PDE1A: variants seen among roughly 807,000 people sequenced by gnomAD.
PDE1A encodes dual specificity calcium/calmodulin-dependent 3',5'-cyclic nucleotide phosphodiesterase 1A.
PDE1A carries 35 observed loss-of-function variants against 61.7 expected under a neutral mutation model. The ratio of observed to expected loss-of-function variants is 0.57; its 90% CI spans 0.43 to 0.75. The LOEUF is 0.75. Ranked by LOEUF, PDE1A falls within the 30% of genes least tolerant of loss-of-function variation. The pLI, the probability that PDE1A is intolerant of heterozygous loss-of-function variation, is 0.00. For synonymous variants in PDE1A, 232 were observed against 213.2 expected, an observed-to-expected ratio of 1.09 and a Z score of -0.77; for missense variants, 597 against 630.6, an observed-to-expected ratio of 0.95 and a Z score of 0.57.
chr2:182,213,805 A>C (rs1243823721), intron 7 of PDE1A, among the ~76,000 whole-genome samples: 1 of 70,732 alleles, frequency 1.4e-5, no homozygotes. Context: ...GTGTACCTGA[A>C]AGTGACGGGG....
chr2:182,297,924 T>A (rs1694992040), intron 1 of PDE1A, among the ~76,000 whole-genome samples: 1 of 152,194 alleles, frequency 6.6e-6, no homozygotes, highest in Non-Finnish European at 1.5e-5. Flanking sequence ...ATTTCCTCTA[T>A]TACTTCCCCC....
intron 10 of PDE1A, 46 bp downstream of exon 10, chr2:182,201,393 C>T (rs1559175108): frequency 6.2e-7 from 1 of 1,606,826 alleles, no homozygotes; most frequent in Admixed American, 1.7e-5. Flanking sequence ...CTAATATGCA[C>T]AGTCACTATT....
At chr2:182,624,550 C>T in the PDE1A span, among the ~76,000 whole-genome samples, 1 of 152,298 alleles carries the variant, frequency 6.6e-6, no homozygotes, top group African/African-American at 2.4e-5. Flanking sequence ...ATGGCCAGCC[C>T]TTATACCAAC....
In PDE1A at chr2:182,189,025, G is replaced by A. The variant is rs550619871; in HGVS notation, c.1161C>T (p.Ser387=). 6.2e-6 allele frequency: 10 copies of A among 1,612,822 alleles called. No homozygotes were observed. The South Asian group carries it at 9.9e-5, about 16-fold the overall frequency. Reference sequence around the variant, plus strand: ...TGGTTGACTTCCGATCACAAAGTGGGGAAAATGGAAGCCCTAATTCAGCTT... The same window carrying A: ...TGGTTGACTTCCGATCACAAAGTGGAGAAAATGGAAGCCCTAATTCAGCTT... Residue 387 remains serine, a synonymous_variant, in exon 11 of 14, where the codon TCC becomes TCT. Coordinates refer to ENST00000351439, the Ensembl canonical transcript of PDE1A.
intron 1 of PDE1A, among the ~76,000 whole-genome samples, chr2:182,396,484 C>T (rs1333507139): frequency 2.6e-5 from 4 of 152,192 alleles, no homozygotes; most frequent in Non-Finnish European, 4.4e-5. Flanking sequence ...TCATTAATAC[C>T]AGCTACGACT....
intron 1 of PDE1A, among the ~76,000 whole-genome samples, chr2:182,406,155 T>C (rs1702285145): frequency 6.6e-6 from 1 of 152,068 alleles, no homozygotes; most frequent in South Asian, 2.1e-4. Context: ...TGTATATAGC[T>C]CTATTATTAT....
At chr2:182,241,851 AT>A (rs776553281) in intron 2 of PDE1A, 3 of 1,548,426 alleles carry the variant, frequency 1.9e-6, no homozygotes, top group South Asian at 2.4e-5. Context: ...GATGGTTTTG[AT>A]TTACCCCTAA....
chr2:182,699,019 G>A, the PDE1A span, among the ~76,000 whole-genome samples: 1 of 152,152 alleles, frequency 6.6e-6, no homozygotes. Context: ...CAGTAACACT[G>A]TTATTCTTAA....
chr2:182,500,229 T>G (rs117330696), intron 2 of PDE1A, among the ~76,000 whole-genome samples: 1 of 152,146 alleles, frequency 6.6e-6, no homozygotes, highest in African/African-American at 2.4e-5. Context: ...ACTTTACTAC[T>G]TGGCTCAGAA....
At chr2:182,282,783 A>G (rs1693898274) in intron 1 of PDE1A, among the ~76,000 whole-genome samples, 1 of 152,024 alleles carries the variant, frequency 6.6e-6, no homozygotes. Context: ...GTCTTAATAA[A>G]TCTGTTAGTC....
chr2:182,551,155 T>C, the PDE1A span, among the ~76,000 whole-genome samples: 1 of 151,982 alleles, frequency 6.6e-6, no homozygotes, highest in South Asian at 2.1e-4. Context: ...TAATCTATTA[T>C]AAAATAATAG....
At chr2:182,304,967 G>A (rs1695483294) in intron 1 of PDE1A, among the ~76,000 whole-genome samples, 1 of 152,070 alleles carries the variant, frequency 6.6e-6, no homozygotes, top group African/African-American at 2.4e-5. Flanking sequence ...AATAAAATTA[G>A]TATATAAAGA....
intron 2 of PDE1A, among the ~76,000 whole-genome samples, chr2:182,246,394 CTTTTTTCTTTCTTTTTTTTT>C (rs1690955920): frequency 9.5e-6 from 1 of 105,366 alleles, no homozygotes; most frequent in Non-Finnish European, 1.9e-5. Flanking sequence ...AGTCTTTTTT[CTTTTTTCTTTCTTTTTTTTT>C]TTTTTTTTTG....
chr2:182,393,517 T>C (rs569594058), intron 1 of PDE1A, among the ~76,000 whole-genome samples: 1 of 152,366 alleles, frequency 6.6e-6, no homozygotes, highest in South Asian at 2.1e-4. Context: ...TGCAAATTTT[T>C]GCAGCCAGCT....
chr2:182,235,758 A>G (rs2125667829), intron 3 of PDE1A, among the ~76,000 whole-genome samples: 1 of 152,340 alleles, frequency 6.6e-6, no homozygotes, highest in South Asian at 2.1e-4. Context: ...AAAGGCCTGG[A>G]CAATGCCATA....
chr2:182,565,257 G>C, the PDE1A span, among the ~76,000 whole-genome samples: 1 of 152,146 alleles, frequency 6.6e-6, no homozygotes, highest in East Asian at 1.9e-4. Flanking sequence ...CTGTTTGTTA[G>C]TTTTCCTTCT....
intron 2 of PDE1A, among the ~76,000 whole-genome samples, chr2:182,506,890 C>G (rs971300823): frequency 3.9e-5 from 6 of 152,116 alleles, no homozygotes; most frequent in African/African-American, 1.2e-4. Context: ...ATGCAGTTTC[C>G]CTGCTTTACT....
chr2:182,272,767 A>G (rs1693125572), intron 1 of PDE1A, among the ~76,000 whole-genome samples: 1 of 152,188 alleles, frequency 6.6e-6, no homozygotes, highest in South Asian at 2.1e-4. Context: ...TCGTTTTGAC[A>G]GATCAAGCAT....
At chr2:182,184,056 A>G (rs1373066859) in intron 13 of PDE1A, among the ~76,000 whole-genome samples, 1 of 149,962 alleles carries the variant, frequency 6.7e-6, no homozygotes, top group East Asian at 2.0e-4. Flanking sequence ...GAAAGAAAGA[A>G]CAATTAAAGA....
Sources: allele counts gnomAD v4.1 joint callset (sites outside exome capture counted in the v4.1 genomes callset), GRCh38; gene constraint gnomAD v4.1.1; transcripts MANE v1.5; gene names NCBI Gene and HGNC (gene_info 2026-07-23, HGNC 2026-07-21).